Variants in KMT2C observed in about 807,000 individuals in gnomAD.
KMT2C encodes the protein histone-lysine N-methyltransferase 2C.
Under a neutral mutation model 507.9 loss-of-function variants are expected in KMT2C, and 88 were observed. The observed-to-expected ratio is 0.17, with a 90% CI of 0.15 to 0.21. KMT2C has a LOEUF of 0.21. KMT2C is among the 10% of genes least tolerant of loss of function. The probability of loss-of-function intolerance (pLI) is 1.00; values close to 1 mark genes in which losing one functional copy is unlikely to be tolerated. For missense variants in KMT2C, 4,954 were observed against 5,957.8 expected, an observed-to-expected ratio of 0.83 and a Z score of 5.55; for synonymous variants, 2,049 against 2,080.8, an observed-to-expected ratio of 0.98 and a Z score of 0.42.
intron 6 of KMT2C, among the ~76,000 whole-genome samples, chr7:152,304,405 A>C (rs2096597074): frequency 6.6e-6 from 1 of 152,244 alleles, no homozygotes; most frequent in Non-Finnish European, 1.5e-5. Context: ...AGAATATTTT[A>C]AACATATCAG....
chr7:152,266,470 C>T (rs2095859928), intron 7 of KMT2C, among the ~76,000 whole-genome samples: 1 of 152,088 alleles, frequency 6.6e-6, no homozygotes, highest in South Asian at 2.1e-4. Context: ...GTCTCAAACT[C>T]CTGAGCTCAA....
chr7:152,413,262 G>A (rs74196486), intron 1 of KMT2C, among the ~76,000 whole-genome samples: 3 of 151,914 alleles, frequency 2.0e-5, no homozygotes, highest in South Asian at 2.1e-4. Flanking sequence ...CTACTAACGC[G>A]GGCCACCATA....
chr7:152,410,809 C>T (rs1589827841), intron 1 of KMT2C, among the ~76,000 whole-genome samples: 1 of 151,674 alleles, frequency 6.6e-6, no homozygotes, highest in Non-Finnish European at 1.5e-5. Context: ...TCAGCCTGGG[C>T]AACATCGAGA....
At chr7:152,194,419 G>C (rs2129129532) in intron 29 of KMT2C, 21 bp downstream of exon 29, 1 of 1,610,510 alleles carries the variant, frequency 6.2e-7, no homozygotes, top group Non-Finnish European at 8.5e-7. Context: ...AGAAAGCCTA[G>C]ATGTAGGGCA....
At chr7:152,254,989 G>A (rs1210568303) in intron 9 of KMT2C, among the ~76,000 whole-genome samples, 4 of 150,902 alleles carry the variant, frequency 2.7e-5, no homozygotes, top group Admixed American at 6.6e-5. Context: ...TTGAAAATCA[G>A]TATGAAGAAA....
At chr7:152,205,068 C>T (rs2094263600) in intron 25 of KMT2C, 38 bp downstream of exon 25, 2 of 1,421,508 alleles carry the variant, frequency 1.4e-6, no homozygotes, top group African/African-American at 2.9e-5. Context: ...CAAAGGGTTA[C>T]ATTAAAAAAA....
At chr7:152,414,088 T>C (rs992760009) in intron 1 of KMT2C, among the ~76,000 whole-genome samples, 1 of 150,320 alleles carries the variant, frequency 6.7e-6, no homozygotes, top group Non-Finnish European at 1.5e-5. Flanking sequence ...CGCACGCCTG[T>C]GATCCCAGCT....
intron 1 of KMT2C, among the ~76,000 whole-genome samples, chr7:152,370,376 T>G (rs919665840): frequency 3.3e-5 from 5 of 152,150 alleles, no homozygotes; most frequent in African/African-American, 1.2e-4. Flanking sequence ...TAGTATGAAA[T>G]TTTCTGAAAT....
At chr7:152,422,302 A>T (rs1282162143) in intron 1 of KMT2C, among the ~76,000 whole-genome samples, 1 of 151,580 alleles carries the variant, frequency 6.6e-6, no homozygotes, top group East Asian at 1.9e-4. Flanking sequence ...AAAAAAAAAA[A>T]AAATTAGCCA....
At chr7:152,282,644 C>G (rs111231181) in intron 6 of KMT2C, among the ~76,000 whole-genome samples, 2 of 152,074 alleles carry the variant, frequency 1.3e-5, no homozygotes, top group South Asian at 4.2e-4. Context: ...CAAGACTCAC[C>G]TATGTTGTTA....
intron 15 of KMT2C, among the ~76,000 whole-genome samples, 165 bp from the exon 16 acceptor site, chr7:152,236,098 A>G (rs2095267855): frequency 6.6e-6 from 1 of 152,266 alleles, no homozygotes; most frequent in Non-Finnish European, 1.5e-5. Flanking sequence ...CGTATACTCC[A>G]CAACTTAAAA....
chr7:152,290,019 C>A (rs1032453211), intron 6 of KMT2C, among the ~76,000 whole-genome samples: 2 of 151,498 alleles, frequency 1.3e-5, no homozygotes, highest in Non-Finnish European at 2.9e-5. Flanking sequence ...CCAGCCTGGG[C>A]AACAGAGTGA....
chr7:152,149,260 C>CTCT lies in KMT2C; in HGVS notation c.12775-109_12775-108insAGA, dbSNP rs1428020905. ...AGTATGACTGAAGAGGATGGGTGAC[C>CTCT]TGAGGGGCAGAGGGAGAGTCAGCAG... On this transcript the variant is annotated intron_variant, in intron 51 of 58. Transcript: ENST00000262189. The CTCT allele has an allele frequency of 5.7e-6, 6 of 1,052,784 alleles. No individual in the cohort carries two copies. In the Admixed American group the frequency reaches 2.0e-4, roughly 36 times the overall value. The allele number at this position is 1,052,784 out of a possible 1,614,324, so 65.2% of individuals were successfully genotyped here.
chr7:152,291,028 G>T (rs2096417891), intron 6 of KMT2C, among the ~76,000 whole-genome samples: 1 of 152,148 alleles, frequency 6.6e-6, no homozygotes, highest in African/African-American at 2.4e-5. Flanking sequence ...TATTCTTGTA[G>T]AAGTGACCTT....
At chr7:152,338,581 GT>G (rs1406306504) in intron 2 of KMT2C, among the ~76,000 whole-genome samples, 1 of 152,060 alleles carries the variant, frequency 6.6e-6, no homozygotes, top group Non-Finnish European at 1.5e-5. Context: ...TCTCTCTCAA[GT>G]TTTCTCTTTT....
At chr7:152,370,193 CAAA>C (rs756706044) in intron 1 of KMT2C, among the ~76,000 whole-genome samples, 1 of 118,036 alleles carries the variant, frequency 8.5e-6, no homozygotes, top group Non-Finnish European at 1.8e-5. Flanking sequence ...GACTCCGTCT[CAAA>C]AAAAAAAAAA....
intron 2 of KMT2C, among the ~76,000 whole-genome samples, chr7:152,349,932 C>T (rs2097096616): frequency 4.6e-5 from 7 of 152,128 alleles, no homozygotes; most frequent in African/African-American, 1.7e-4. Flanking sequence ...AATTTTGCTA[C>T]AAACCTAAAA....
At position 152,148,681 on chromosome 7, in the gene KMT2C, G is replaced by A. The variant is rs201443050; in HGVS notation, c.13246C>T (p.Pro4416Ser). 111 of 1,614,118 alleles carry A rather than the reference G, an allele frequency of 6.9e-5. No homozygotes were observed. The East Asian group carries it at 2.4e-3, about 35-fold the overall frequency. ...AAGTCAAGGTTGAGTAGCCTTGCTG[G>A]TCCATCTGTCAATCCATCACCTTCT... is the stretch of plus-strand genomic sequence containing the variant. Reference protein sequence around the residue: ...HEEGDGLTDGPARLLNLDLDL... With the variant: ...HEEGDGLTDGSARLLNLDLDL... The change falls in exon 52 of 59, where the codon CCA becomes TCA. Residue 4416 changes from proline to serine, a missense_variant. Pro to Ser is a moderately conservative substitution (Grantham distance 74, BLOSUM62 -1). Coordinates refer to ENST00000262189, the MANE Select transcript of KMT2C (RefSeq NM_170606.3). The surrounding 1 kb of genome is among the most constrained non-coding windows in gnomAD (Gnocchi z 7.1).
chr7:152,145,612 C>A (rs970751880), intron 53 of KMT2C, among the ~76,000 whole-genome samples: 1 of 152,230 alleles, frequency 6.6e-6, no homozygotes, highest in Non-Finnish European at 1.5e-5. Flanking sequence ...CTGAAACACA[C>A]AATACCCACA....
Sources: allele counts gnomAD v4.1 joint callset (sites outside exome capture counted in the v4.1 genomes callset), GRCh38; gene constraint gnomAD v4.1.1; non-coding constraint Gnocchi (gnomAD v3.1); transcripts MANE v1.5; gene names NCBI Gene and HGNC (gene_info 2026-07-23, HGNC 2026-07-21).